The following MARCHF3 variants were observed in gnomAD, a reference collection of about 807,000 sequenced individuals.
MARCHF3 encodes the protein E3 ubiquitin-protein ligase MARCHF3.
MARCHF3 carries 13 observed loss-of-function variants against 24.2 expected under a neutral mutation model. The ratio of observed to expected loss-of-function variants is 0.54; its 90% CI spans 0.35 to 0.85. The LOEUF (loss-of-function observed/expected upper bound fraction) is 0.85, where lower values mean the gene tolerates loss of function less well. MARCHF3 is among the 40% of genes least tolerant of loss of function. The pLI, the probability that MARCHF3 is intolerant of heterozygous loss-of-function variation, is 0.01. For missense variants in MARCHF3, 276 were observed against 325.0 expected, an observed-to-expected ratio of 0.85 and a Z score of 1.16; for synonymous variants, 144 against 137.3, an observed-to-expected ratio of 1.05 and a Z score of -0.34.
At chr5:127,002,771 T>C (rs185336138) in intron 1 of MARCHF3, among the ~76,000 whole-genome samples, 66 of 152,352 alleles carry the variant, frequency 4.3e-4, no homozygotes, top group Admixed American at 1.5e-3. Flanking sequence ...CCCTTTGACA[T>C]GTTTAACGTA....
chr5:126,874,323 C>T (rs1753073229), intron 4 of MARCHF3, among the ~76,000 whole-genome samples: 1 of 152,236 alleles, frequency 6.6e-6, no homozygotes, highest in South Asian at 2.1e-4. Flanking sequence ...TGCAGTGGCT[C>T]ATGCCTGTAA....
intron 2 of MARCHF3, among the ~76,000 whole-genome samples, chr5:126,917,425 G>C (rs1448572968): frequency 6.6e-6 from 1 of 152,190 alleles, no homozygotes; most frequent in Non-Finnish European, 1.5e-5. Flanking sequence ...AGGGTAGAGT[G>C]TGCGTGAAGG....
intron 1 of MARCHF3, among the ~76,000 whole-genome samples, chr5:127,028,471 T>C (rs1292957653): frequency 6.6e-6 from 1 of 152,158 alleles, no homozygotes; most frequent in Admixed American, 6.5e-5. Context: ...GTCCAGGTTA[T>C]AAATTCCTAA....
chr5:126,938,078 A>G (rs1749704663), intron 1 of MARCHF3, among the ~76,000 whole-genome samples: 1 of 152,018 alleles, frequency 6.6e-6, no homozygotes, highest in African/African-American at 2.4e-5. Flanking sequence ...TATCACTGAC[A>G]TTGATGAGCA....
chr5:126,989,307 G>C lies in MARCHF3; in HGVS notation c.-57+41043C>G, dbSNP rs11749963. ...AATACTACTACTACTACTACTACTA[G>C]TACTACTACTACTACTACTACTACT... On this transcript the variant is annotated intron_variant, in intron 1 of 4. Coordinates refer to ENST00000308660, the MANE Select transcript of MARCHF3 (RefSeq NM_178450.5). Among the ~76,000 whole-genome samples, 629 of 149,286 alleles carry C rather than the reference G, an allele frequency of 4.2e-3. 1 individual carries two copies. Among genetic ancestry groups the C allele is most frequent in the Non-Finnish European group, 6.1e-3 (414 of 67,522 alleles).
In MARCHF3 at chr5:126,869,766, C is replaced by T. The variant is rs904583373; in HGVS notation, c.*867G>A. ...AATGAGATGGGAGTGAGAACAGCAA[C>T]CTTTTTGCTTTTCCTTTTTTTCCTT... is the stretch of plus-strand genomic sequence containing the variant. On this transcript the variant is annotated 3_prime_UTR_variant, in exon 5 of 5. Transcript: ENST00000308660. 1.3e-5 allele frequency: 2 copies of T among 152,150 alleles called. No individual in the cohort carries two copies. The allele number at this position is 152,150 out of a possible 1,614,324, so 9.4% of individuals were successfully genotyped here.
intron 1 of MARCHF3, among the ~76,000 whole-genome samples, chr5:126,981,915 T>C (rs1332829270): frequency 6.6e-6 from 1 of 152,258 alleles, no homozygotes; most frequent in Non-Finnish European, 1.5e-5. Context: ...ATTCCTATAC[T>C]GGAATATTCC....
intron 1 of MARCHF3, among the ~76,000 whole-genome samples, chr5:126,980,148 G>T (rs1248110876): frequency 6.6e-6 from 1 of 152,014 alleles, no homozygotes; most frequent in Non-Finnish European, 1.5e-5. Context: ...CACCTTCTCT[G>T]TTGGGGATGC....
chr5:126,967,043 T>C (rs1176288076), intron 1 of MARCHF3, among the ~76,000 whole-genome samples: 1 of 150,784 alleles, frequency 6.6e-6, no homozygotes, highest in Non-Finnish European at 1.5e-5. Flanking sequence ...TCAGTGGTGA[T>C]TTGTGAGATT....
intron 1 of MARCHF3, among the ~76,000 whole-genome samples, chr5:126,958,923 G>A (rs180968902): frequency 2.6e-5 from 4 of 152,172 alleles, no homozygotes; most frequent in African/African-American, 9.6e-5. Context: ...TTATATTATT[G>A]CCAAAGTATA....
At chr5:127,017,734 TCTTGAAACTTGACATAATAAGC>T (rs1254664642) in intron 1 of MARCHF3, among the ~76,000 whole-genome samples, 1 of 152,234 alleles carries the variant, frequency 6.6e-6, no homozygotes, top group Non-Finnish European at 1.5e-5. Context: ...CACTAAGCTC[TCTTGAAACTTGACATAATAAGC>T]TTATATCAAA....
At chr5:126,974,647 G>T (rs1038420848) in intron 1 of MARCHF3, among the ~76,000 whole-genome samples, 2 of 152,162 alleles carry the variant, frequency 1.3e-5, no homozygotes, top group Non-Finnish European at 2.9e-5. Context: ...TTTGTCAGAT[G>T]AACTCATTTA....
In MARCHF3 at chr5:126,869,582, CTTTTTTTTTTT is replaced by C. The variant is rs10653981; in HGVS notation, c.*1040_*1050del. 5 of 79,832 alleles carry C rather than the reference CTTTTTTTTTTT, an allele frequency of 6.3e-5. No homozygotes were observed. The highest frequency in any genetic ancestry group is 1.1e-4 in the Non-Finnish European group (5 of 46,902). 4.9% of individuals were successfully genotyped at this position (79,832 alleles called of 1,614,324 possible). ...ATAAGTGCAGGGCTGCTAGGACAGG[CTTTTTTTTTTT>C]TTTTTTTTTTTGCCACATCTACCTG... On this transcript the variant is annotated 3_prime_UTR_variant, in exon 5 of 5. Transcript: ENST00000308660.
chr5:126,904,472 C>T (rs1754219706), intron 3 of MARCHF3, among the ~76,000 whole-genome samples: 1 of 147,778 alleles, frequency 6.8e-6, no homozygotes, highest in Admixed American at 6.7e-5. Flanking sequence ...CTCTCCAGCA[C>T]CTGTTGTTTC....
intron 1 of MARCHF3, among the ~76,000 whole-genome samples, chr5:126,982,526 A>G (rs1751425833): frequency 6.6e-6 from 1 of 152,140 alleles, no homozygotes; most frequent in Non-Finnish European, 1.5e-5. Flanking sequence ...CCCCATCTGC[A>G]GAGAGTCTGA....
At chr5:127,023,830 G>A (rs935431789) in intron 1 of MARCHF3, among the ~76,000 whole-genome samples, 2 of 151,656 alleles carry the variant, frequency 1.3e-5, no homozygotes, top group East Asian at 1.9e-4. Context: ...CTTCCCCTTC[G>A]TGCTGAACTT....
At chr5:126,956,643 T>C (rs1349682048) in intron 1 of MARCHF3, among the ~76,000 whole-genome samples, 2 of 58,680 alleles carry the variant, frequency 3.4e-5, no homozygotes, top group Non-Finnish European at 5.7e-5. Context: ...AGGCTCTGTC[T>C]CCAAAAAAAA....
At chr5:127,027,220 A>G (rs1190161749) in intron 1 of MARCHF3, among the ~76,000 whole-genome samples, 1 of 152,180 alleles carries the variant, frequency 6.6e-6, no homozygotes, top group Non-Finnish European at 1.5e-5. Context: ...CTATTTACCC[A>G]ATTAATTGGG....
At chr5:126,940,729 G>A (rs893669882) in intron 1 of MARCHF3, among the ~76,000 whole-genome samples, 2 of 151,322 alleles carry the variant, frequency 1.3e-5, no homozygotes, top group African/African-American at 4.9e-5. Flanking sequence ...TTACAGGTGT[G>A]AGCCACTGTG....
Sources: allele counts gnomAD v4.1 joint callset (sites outside exome capture counted in the v4.1 genomes callset), GRCh38; gene constraint gnomAD v4.1.1; transcripts MANE v1.5; gene names NCBI Gene and HGNC (gene_info 2026-07-23, HGNC 2026-07-21).